The following LINGO2 variants were observed in gnomAD, a reference collection of about 807,000 sequenced individuals.
The protein encoded by LINGO2 is leucine-rich repeat and immunoglobulin-like domain-containing nogo receptor-interacting protein 2.
A neutral mutation model predicts 30.6 loss-of-function variants in LINGO2; 14 were observed. The ratio of observed to expected loss-of-function variants is 0.46; its 90% CI spans 0.30 to 0.72. LINGO2 has a LOEUF of 0.72. LINGO2 is among the 30% of genes least tolerant of loss of function. LINGO2 has a pLI of 0.07. For synonymous variants in LINGO2, 317 were observed against 288.5 expected (o/e 1.10, Z -1.00); for missense variants, 729 against 751.7 (o/e 0.97, Z 0.35).
intron 2 of LINGO2, among the ~76,000 whole-genome samples, chr9:28,471,720 A>G (rs1825528337): frequency 6.6e-6 from 1 of 152,218 alleles, no homozygotes; most frequent in Non-Finnish European, 1.5e-5. Context: ...TGTCAGTGGG[A>G]ATACAAATTG....
At chr9:28,889,775 G>A in the LINGO2 span, among the ~76,000 whole-genome samples, 1 of 151,980 alleles carries the variant, frequency 6.6e-6, no homozygotes, top group Non-Finnish European at 1.5e-5. Context: ...TCAGACTCTA[G>A]CTCTAACGTT....
chr9:28,730,900 T>C, the LINGO2 span, among the ~76,000 whole-genome samples: 1 of 152,120 alleles, frequency 6.6e-6, no homozygotes, highest in Non-Finnish European at 1.5e-5. Flanking sequence ...GTTGGGAATG[T>C]AAAATGGTAC....
intron 3 of LINGO2, among the ~76,000 whole-genome samples, chr9:28,362,967 A>G (rs1036251468): frequency 6.6e-6 from 1 of 152,180 alleles, no homozygotes; most frequent in African/African-American, 2.4e-5. Context: ...GCTTATACAT[A>G]TGGTCAAAGT....
At chr9:28,332,605 G>C (rs370911413) in intron 3 of LINGO2, among the ~76,000 whole-genome samples, 1 of 151,798 alleles carries the variant, frequency 6.6e-6, no homozygotes, top group South Asian at 2.1e-4. Flanking sequence ...AAGGCAGGGG[G>C]AATGGGGAAA....
the LINGO2 span, among the ~76,000 whole-genome samples, chr9:29,063,757 G>C: frequency 1.4e-4 from 22 of 151,968 alleles, no homozygotes; most frequent in African/African-American, 5.3e-4. Context: ...TCCGTTACAA[G>C]GTAAGACCTT....
intron 1 of LINGO2, among the ~76,000 whole-genome samples, chr9:28,539,495 G>C (rs1285861261): frequency 6.6e-6 from 1 of 151,142 alleles, no homozygotes; most frequent in Non-Finnish European, 1.5e-5. Flanking sequence ...TGAAATTTTA[G>C]CAAAATAAAA....
intron 1 of LINGO2, among the ~76,000 whole-genome samples, chr9:28,622,888 G>C (rs1225917438): frequency 1.3e-5 from 2 of 151,948 alleles, no homozygotes; most frequent in Non-Finnish European, 2.9e-5. Context: ...CATTTTAACT[G>C]GGGTGAGATG....
chr9:28,234,476 T>C (rs1020278498), intron 4 of LINGO2, among the ~76,000 whole-genome samples: 3 of 152,158 alleles, frequency 2.0e-5, no homozygotes, highest in Non-Finnish European at 4.4e-5. Flanking sequence ...CAAAGGAGAT[T>C]AACATTTGAG....
the LINGO2 span, among the ~76,000 whole-genome samples, chr9:29,074,191 CAG>C: frequency 4.6e-5 from 7 of 152,048 alleles, no homozygotes; most frequent in Admixed American, 1.3e-4. Context: ...AGTCTTAAAA[CAG>C]AATCTTATTT....
chr9:28,825,536 T>A, the LINGO2 span, among the ~76,000 whole-genome samples: 1 of 151,474 alleles, frequency 6.6e-6, no homozygotes, highest in African/African-American at 2.4e-5. Context: ...CTGAGTTTCC[T>A]GATTTCTGTA....
At chr9:28,726,232 G>A in the LINGO2 span, among the ~76,000 whole-genome samples, 155 of 151,882 alleles carry the variant, frequency 1.0e-3, no homozygotes, top group African/African-American at 3.3e-3. Flanking sequence ...TCATTATTTC[G>A]TCCTTATTTC....
chr9:28,598,298 T>C (rs1049081981), intron 1 of LINGO2, among the ~76,000 whole-genome samples: 6 of 151,914 alleles, frequency 3.9e-5, no homozygotes, highest in Non-Finnish European at 8.8e-5. Flanking sequence ...CATACTTTTG[T>C]TCTGAGAACT....
intron 3 of LINGO2, among the ~76,000 whole-genome samples, chr9:28,303,974 T>G (rs775510112): frequency 1.4e-4 from 22 of 152,144 alleles, no homozygotes; most frequent in Admixed American, 1.3e-4. Context: ...TGTGTGTGTA[T>G]GTGTACATAT....
At chr9:28,862,686 G>A in the LINGO2 span, among the ~76,000 whole-genome samples, 154 of 152,192 alleles carry the variant, frequency 1.0e-3, no homozygotes, top group Non-Finnish European at 1.9e-3. Flanking sequence ...GTGTCCAGAT[G>A]TGTCACTTAA....
At chr9:29,183,204 A>T in the LINGO2 span, among the ~76,000 whole-genome samples, 1 of 152,252 alleles carries the variant, frequency 6.6e-6, no homozygotes, top group Non-Finnish European at 1.5e-5. Flanking sequence ...ATGAACTGCC[A>T]CAGCCCAGAG....
At chr9:28,421,838 C>A (rs921141678) in intron 2 of LINGO2, among the ~76,000 whole-genome samples, 1 of 151,984 alleles carries the variant, frequency 6.6e-6, no homozygotes, top group African/African-American at 2.4e-5. Flanking sequence ...AAAAAATAGA[C>A]AACTCAGAAA....
At chr9:29,024,895 T>C in the LINGO2 span, among the ~76,000 whole-genome samples, 2 of 152,246 alleles carry the variant, frequency 1.3e-5, no homozygotes, top group East Asian at 1.9e-4. Flanking sequence ...TCTAACACTT[T>C]ATTGCTGCCT....
intron 2 of LINGO2, among the ~76,000 whole-genome samples, chr9:28,458,626 AATTCACTTGCCATT>A (rs1824948244): frequency 6.6e-6 from 1 of 152,150 alleles, no homozygotes; most frequent in South Asian, 2.1e-4. Flanking sequence ...CCCCTTCCAA[AATTCACTTGCCATT>A]AGGTGGGATC....
chr9:28,883,898 G>A, the LINGO2 span, among the ~76,000 whole-genome samples: 5 of 150,426 alleles, frequency 3.3e-5, no homozygotes, highest in East Asian at 2.0e-4. Flanking sequence ...GGCTGGTCTC[G>A]AACTCCTGAC....
Sources: allele counts gnomAD v4.1 joint callset (sites outside exome capture counted in the v4.1 genomes callset), GRCh38; gene constraint gnomAD v4.1.1; transcripts MANE v1.5; gene names NCBI Gene and HGNC (gene_info 2026-07-23, HGNC 2026-07-21).